CDH18: variants seen among roughly 807,000 people sequenced by gnomAD.
CDH18 encodes cadherin 18, also known as cadherin-18.
In CDH18, 31 loss-of-function variants were observed where a neutral mutation model predicts 67.9. That is an observed-to-expected ratio of 0.46 (90% CI 0.34 to 0.62). The LOEUF is 0.62. Among genes scored for constraint, CDH18 ranks in the 20% least tolerant of loss-of-function variants. The pLI is 0.01. For missense variants in CDH18, 890 were observed against 975.5 expected (o/e 0.91, Z 1.17); for synonymous variants, 362 against 347.2 (o/e 1.04, Z -0.48).
At chr5:20,086,791 T>A (rs565985915) in intron 2 of CDH18, among the ~76,000 whole-genome samples, 1 of 152,154 alleles carries the variant, frequency 6.6e-6, no homozygotes, top group Admixed American at 6.5e-5. Flanking sequence ...CTAATGCTCA[T>A]TGATAAGGTA....
chr5:20,518,184 A>G (rs13184938), intron 1 of CDH18, among the ~76,000 whole-genome samples: 60,396 of 151,856 alleles, frequency 0.4, 13,449 homozygotes, highest in East Asian at 0.56. Context: ...CAATGAGACA[A>G]TATCTGTCAC....
intron 2 of CDH18, among the ~76,000 whole-genome samples, chr5:19,944,459 T>C (rs902087562): frequency 6.6e-6 from 1 of 152,144 alleles, no homozygotes; most frequent in Non-Finnish European, 1.5e-5. Flanking sequence ...ATTTGAGTGG[T>C]GAATGTTTAC....
chr5:19,523,029 C>T (rs1208312977), intron 9 of CDH18, among the ~76,000 whole-genome samples: 1 of 151,890 alleles, frequency 6.6e-6, no homozygotes, highest in Non-Finnish European at 1.5e-5. Context: ...CAAAGACCCA[C>T]TATACATAGA....
chr5:19,922,922 A>AGGG (rs1792665538), intron 2 of CDH18, among the ~76,000 whole-genome samples: 1 of 152,154 alleles, frequency 6.6e-6, no homozygotes, highest in Non-Finnish European at 1.5e-5. Context: ...ATATTCGTTT[A>AGGG]ATATCTCCTC....
chr5:19,817,560 T>C (rs564662755), intron 3 of CDH18, among the ~76,000 whole-genome samples: 6 of 152,084 alleles, frequency 3.9e-5, no homozygotes, highest in Non-Finnish European at 7.4e-5. Flanking sequence ...ATAAAAGTAC[T>C]GATTAATAAG....
chr5:19,544,998 TTTGGAG>T lies in CDH18; in HGVS notation c.1254-999_1254-994del, dbSNP rs1202233138. 7.2e-5 allele frequency among the ~76,000 whole-genome samples: 11 copies of T among 152,152 alleles called. No individual in the cohort carries two copies. The South Asian group carries it at 2.3e-3, about 32-fold the overall frequency. On this transcript the variant is annotated intron_variant, in intron 8 of 12. Coordinates refer to ENST00000382275, the MANE Select transcript of CDH18 (RefSeq NM_004934.5). ...CAGCTTTTTTTTAAGACCCCTGAGT[TTTGGAG>T]TTATGTGTTATTTAGCAACAGCTGA...
intron 1 of CDH18, among the ~76,000 whole-genome samples, chr5:20,333,682 T>A (rs1739415231): frequency 6.6e-6 from 1 of 151,984 alleles, no homozygotes; most frequent in Admixed American, 6.6e-5. Flanking sequence ...AATGCTTAAA[T>A]ATTTTAAGAA....
chr5:20,271,731 T>C (rs1449118428), intron 1 of CDH18, among the ~76,000 whole-genome samples: 2 of 152,080 alleles, frequency 1.3e-5, no homozygotes, highest in Non-Finnish European at 1.5e-5. Flanking sequence ...AAACCAAACC[T>C]GCTTACATCT....
intron 4 of CDH18, among the ~76,000 whole-genome samples, chr5:19,743,773 T>TA (rs1185713847): frequency 6.6e-6 from 1 of 151,862 alleles, no homozygotes; most frequent in Non-Finnish European, 1.5e-5. Flanking sequence ...TTACAAACTT[T>TA]AGCTGGGCCT....
At chr5:20,203,294 T>C (rs1739595423) in intron 2 of CDH18, among the ~76,000 whole-genome samples, 1 of 151,944 alleles carries the variant, frequency 6.6e-6, no homozygotes, top group Admixed American at 6.6e-5. Flanking sequence ...GACCAGGGGG[T>C]CAATGGGTCT....
chr5:20,248,435 C>T (rs1050855606), intron 2 of CDH18, among the ~76,000 whole-genome samples: 7 of 152,296 alleles, frequency 4.6e-5, no homozygotes, highest in Non-Finnish European at 8.8e-5. Context: ...CAAGGGAAAA[C>T]GTTCATCCAA....
chr5:19,707,168 A>G (rs1580982235), intron 5 of CDH18, among the ~76,000 whole-genome samples: 1 of 152,012 alleles, frequency 6.6e-6, no homozygotes, highest in Non-Finnish European at 1.5e-5. Flanking sequence ...GAGGATCCCA[A>G]AGACCCATCA....
At chr5:20,178,280 C>T (rs1208208040) in intron 2 of CDH18, among the ~76,000 whole-genome samples, 1 of 152,072 alleles carries the variant, frequency 6.6e-6, no homozygotes, top group African/African-American at 2.4e-5. Flanking sequence ...TGGGACTTCT[C>T]AGCCTCGACA....
chr5:20,381,170 G>GA (rs1743879920), intron 1 of CDH18, among the ~76,000 whole-genome samples: 1 of 152,000 alleles, frequency 6.6e-6, no homozygotes, highest in South Asian at 2.1e-4. Context: ...AGGCACAAAA[G>GA]AAAAAATACC....
At chr5:19,516,077 C>T (rs766048159) in intron 10 of CDH18, among the ~76,000 whole-genome samples, 1 of 151,770 alleles carries the variant, frequency 6.6e-6, no homozygotes, top group African/African-American at 2.4e-5. Context: ...TGAATTTTGT[C>T]AAAGGCCTTT....
At chr5:20,001,163 C>T (rs1736408736) in intron 2 of CDH18, among the ~76,000 whole-genome samples, 1 of 152,146 alleles carries the variant, frequency 6.6e-6, no homozygotes, top group Non-Finnish European at 1.5e-5. Flanking sequence ...GAAGCTTGAT[C>T]TTCATTTGAG....
intron 8 of CDH18, among the ~76,000 whole-genome samples, chr5:19,557,685 CA>C (rs140573407): frequency 0.017 from 2,624 of 152,160 alleles, 66 homozygotes; most frequent in African/African-American, 0.06. Flanking sequence ...GACAGCAACA[CA>C]GCAATAGTGG....
At chr5:20,271,506 C>T (rs1440827940) in intron 1 of CDH18, among the ~76,000 whole-genome samples, 1 of 152,010 alleles carries the variant, frequency 6.6e-6, no homozygotes, top group Non-Finnish European at 1.5e-5. Flanking sequence ...ATTACACAAT[C>T]TATATATGTA....
chr5:20,280,171 A>G (rs927735893), intron 1 of CDH18, among the ~76,000 whole-genome samples: 1 of 151,820 alleles, frequency 6.6e-6, no homozygotes, highest in African/African-American at 2.4e-5. Flanking sequence ...GAAGAAAAAA[A>G]CTTTATTTAT....
Sources: allele counts gnomAD v4.1 joint callset (sites outside exome capture counted in the v4.1 genomes callset), GRCh38; gene constraint gnomAD v4.1.1; transcripts MANE v1.5; gene names NCBI Gene and HGNC (gene_info 2026-07-23, HGNC 2026-07-21).